Variants in DISC1 observed in about 807,000 individuals in gnomAD.
The protein encoded by DISC1 is disrupted in schizophrenia 1 protein.
DISC1 carries 57 observed loss-of-function variants against 84.5 expected under a neutral mutation model. The ratio of observed to expected loss-of-function variants is 0.67; its 90% confidence interval spans 0.55 to 0.84. The LOEUF is 0.84. Among genes scored for constraint, DISC1 ranks in the 40% least tolerant of loss-of-function variants. The probability of loss-of-function intolerance (pLI) is 0.00; values close to 1 mark genes in which losing one functional copy is unlikely to be tolerated. For missense variants in DISC1, 1,000 were observed against 1,057.8 expected (o/e 0.95, Z 0.76); for synonymous variants, 411 against 415.2 (o/e 0.99, Z 0.12).
At chr1:231,952,745 A>T (rs969239371) in intron 9 of DISC1, among the ~76,000 whole-genome samples, 2 of 148,894 alleles carry the variant, frequency 1.3e-5, no homozygotes, top group Admixed American at 6.7e-5. Flanking sequence ...ATTTTACACA[A>T]TGTAGATTTA....
chr1:231,976,336 G>T (rs202151252), intron 10 of DISC1, among the ~76,000 whole-genome samples: 3 of 152,286 alleles, frequency 2.0e-5, no homozygotes, highest in East Asian at 3.9e-4. Flanking sequence ...TAGGGATCCT[G>T]TTGCCACCAC....
intron 1 of DISC1, among the ~76,000 whole-genome samples, chr1:231,636,116 T>C (rs1462883342): frequency 6.6e-6 from 1 of 152,246 alleles, no homozygotes; most frequent in Non-Finnish European, 1.5e-5. Context: ...TATGACAATT[T>C]TGAAAACAAT....
chr1:231,841,868 C>T (rs1018120949), intron 9 of DISC1, among the ~76,000 whole-genome samples: 8 of 152,168 alleles, frequency 5.3e-5, no homozygotes, highest in African/African-American at 1.7e-4. Context: ...TAGACACACA[C>T]ACAAAAAGAG....
intron 10 of DISC1, among the ~76,000 whole-genome samples, chr1:231,964,774 A>C (rs1010343466): frequency 4.6e-5 from 7 of 152,254 alleles, no homozygotes; most frequent in African/African-American, 1.7e-4. Flanking sequence ...CACCTGACAC[A>C]GTGGTGCATC....
At chr1:231,993,974 T>G (rs1418569507) in intron 10 of DISC1, among the ~76,000 whole-genome samples, 1 of 152,230 alleles carries the variant, frequency 6.6e-6, no homozygotes, top group African/African-American at 2.4e-5. Flanking sequence ...GGAAAGCACT[T>G]TAAAATCTGA....
chr1:231,829,775 C>T (rs944258508), intron 9 of DISC1, among the ~76,000 whole-genome samples: 28 of 150,548 alleles, frequency 1.9e-4, no homozygotes, highest in African/African-American at 6.4e-4. Context: ...AGAGAGTCAG[C>T]GAAGGGAGAT....
intron 10 of DISC1, among the ~76,000 whole-genome samples, chr1:232,000,347 G>A (rs1164358028): frequency 6.6e-6 from 1 of 152,188 alleles, no homozygotes; most frequent in African/African-American, 2.4e-5. Context: ...GAGTGAAGGT[G>A]ATGGAGAATA....
At chr1:231,863,724 T>C (rs2084846340) in intron 9 of DISC1, among the ~76,000 whole-genome samples, 1 of 152,194 alleles carries the variant, frequency 6.6e-6, no homozygotes, top group Non-Finnish European at 1.5e-5. Context: ...TTCTTTGCCC[T>C]GGGCTTTTTA....
At chr1:231,799,791 G>T (rs546007872) in intron 7 of DISC1, among the ~76,000 whole-genome samples, 11 of 148,944 alleles carry the variant, frequency 7.4e-5, no homozygotes, top group African/African-American at 2.7e-4. Flanking sequence ...ATATGCCATT[G>T]CTCACTTTAT....
chr1:232,000,295 C>T (rs1256964400), intron 10 of DISC1, among the ~76,000 whole-genome samples: 2 of 151,990 alleles, frequency 1.3e-5, no homozygotes, highest in Non-Finnish European at 2.9e-5. Flanking sequence ...ACTAAAAATA[C>T]AAAAACAGAA....
intron 3 of DISC1, among the ~76,000 whole-genome samples, 178 bp from the exon 4 acceptor site, chr1:231,749,748 A>G (rs1255901099): frequency 1.3e-5 from 2 of 152,226 alleles, no homozygotes; most frequent in Non-Finnish European, 2.9e-5. Flanking sequence ...TTGTTGGTGC[A>G]AAGAAGATTC....
At chr1:232,028,319 T>G (rs563896839) in intron 12 of DISC1, among the ~76,000 whole-genome samples, 1 of 152,268 alleles carries the variant, frequency 6.6e-6, no homozygotes, top group East Asian at 1.9e-4. Context: ...ACCTCTGTCT[T>G]CAGGTAGCAG....
Position 232,009,330 on chromosome 1 carries a change from A to G in DISC1, c.2307+281A>G, listed in dbSNP as rs1667817043. The G allele has an allele frequency of 3.4e-6, 4 of 1,163,984 alleles. No homozygotes were observed. The highest frequency in any genetic ancestry group is 2.0e-5 in the South Asian group (1 of 49,136). 72.1% of individuals were successfully genotyped at this position (1,163,984 alleles called of 1,614,324 possible). On this transcript the variant is annotated intron_variant, in intron 11 of 12. Transcript: ENST00000439617. The surrounding 1 kb of genome is among the most constrained non-coding windows in gnomAD (Gnocchi z 4.6). ...AGAATATGCAGTCTAATATAGAATT[A>G]CCATATATAGCATACATTATATATG...
chr1:232,015,719 G>A (rs1668433807), intron 11 of DISC1, among the ~76,000 whole-genome samples: 1 of 152,136 alleles, frequency 6.6e-6, no homozygotes, highest in Non-Finnish European at 1.5e-5. Context: ...GTTCCATGAA[G>A]CTCCTGTGTG....
chr1:231,964,417 A>G (rs907581989), intron 10 of DISC1, among the ~76,000 whole-genome samples: 1 of 152,142 alleles, frequency 6.6e-6, no homozygotes, highest in Admixed American at 6.5e-5. Context: ...TGACCGTGAT[A>G]GTAGCTGGCC....
intron 3 of DISC1, among the ~76,000 whole-genome samples, chr1:231,702,867 G>A (rs1281539888): frequency 6.6e-6 from 1 of 152,044 alleles, no homozygotes; most frequent in Non-Finnish European, 1.5e-5. Flanking sequence ...GGCTGAAAAT[G>A]ACATGTAGAT....
intron 1 of DISC1, among the ~76,000 whole-genome samples, chr1:231,632,813 G>A (rs191681651): frequency 6.6e-6 from 1 of 152,270 alleles, no homozygotes; most frequent in East Asian, 1.9e-4. Context: ...GCTCATGCCT[G>A]TAATTCCAGC....
chr1:231,655,664 G>A (rs2125323011), intron 1 of DISC1, among the ~76,000 whole-genome samples: 1 of 152,260 alleles, frequency 6.6e-6, no homozygotes, highest in African/African-American at 2.4e-5. Context: ...AGTTCTTTGA[G>A]AAATCTCCAT....
At chr1:232,012,292 A>AGC (rs2103007544) in intron 11 of DISC1, among the ~76,000 whole-genome samples, 1 of 152,278 alleles carries the variant, frequency 6.6e-6, no homozygotes, top group African/African-American at 2.4e-5. Context: ...AGTAGACATG[A>AGC]GCAATGAGTT....
Sources: allele counts gnomAD v4.1 joint callset (sites outside exome capture counted in the v4.1 genomes callset), GRCh38; gene constraint gnomAD v4.1.1; non-coding constraint Gnocchi (gnomAD v3.1); transcripts MANE v1.5; gene names NCBI Gene and HGNC (gene_info 2026-07-23, HGNC 2026-07-21).